ELMOD3: variants seen among roughly 807,000 people sequenced by gnomAD.
ELMOD3 encodes the protein ELMO domain-containing protein 3.
A neutral mutation model predicts 47.4 loss-of-function variants in ELMOD3; 36 were observed. That is an observed-to-expected ratio of 0.76 (90% CI 0.58 to 1.00). The LOEUF (loss-of-function observed/expected upper bound fraction) is 1.00. Ranked by LOEUF, ELMOD3 falls within the 50% of genes least tolerant of loss-of-function variation. The probability of loss-of-function intolerance (pLI) is 0.00; values close to 1 mark genes in which losing one functional copy is unlikely to be tolerated. For missense variants in ELMOD3, 404 were observed against 463.8 expected (o/e 0.87, Z 1.18); for synonymous variants, 149 against 183.5 (o/e 0.81, Z 1.52).
At chr2:85,375,126 T>C (rs116799592) in intron 10 of ELMOD3, among the ~76,000 whole-genome samples, 213 of 152,332 alleles carry the variant, frequency 1.4e-3, no homozygotes, top group Middle Eastern at 3.4e-3. Context: ...TTTCAGGAAT[T>C]TGACTGTGAT....
In ELMOD3 at chr2:85,357,266, C is replaced by T. The variant is rs540660622; in HGVS notation, c.54+14C>T. ...AGAGATGGACAGGTAAGCATGCACT[C>T]TTATTTGGGAAAGGTGGTGTTGGTT... is the stretch of plus-strand genomic sequence containing the variant. On this transcript the variant is annotated intron_variant, in intron 4 of 13. Coordinates refer to ENST00000409013, the MANE Select transcript of ELMOD3 (RefSeq NM_001135022.2). The T allele has an allele frequency of 8.0e-5, 125 of 1,561,680 alleles. 1 individual carries two copies. The South Asian group carries it at 1.2e-3, about 15-fold the overall frequency.
intron 6 of ELMOD3, chr2:85,367,763 C>T (rs1684493993): frequency 6.6e-6 from 1 of 152,040 alleles, no homozygotes; most frequent in Non-Finnish European, 1.5e-5. Flanking sequence ...AAAAGTCAAA[C>T]AATTGTTAAG....
chr2:85,371,794 G>A (rs2104592737), intron 10 of ELMOD3: 1 of 439,040 alleles, frequency 2.3e-6, no homozygotes, highest in South Asian at 2.3e-5. Context: ...AGCACTTTGG[G>A]AGGCTGAAGA....
At chr2:85,385,705 T>C (rs1324632469) in intron 11 of ELMOD3, among the ~76,000 whole-genome samples, 3 of 151,514 alleles carry the variant, frequency 2.0e-5, no homozygotes, top group Non-Finnish European at 4.4e-5. Context: ...GAAAGGACTC[T>C]AGGTTTTACG....
At position 85,377,619 on chromosome 2, in the gene ELMOD3, G is replaced by A. The variant is rs927820033; in HGVS notation, c.738+145G>A. On this transcript the variant is annotated intron_variant, in intron 11 of 13. Transcript: ENST00000409013. Reference sequence around the variant, plus strand: ...CCTGCATTGAAATATGAGCTGTACCGCTCATTAGCTGTGTAGCTCAAGCAA... The same window carrying A: ...CCTGCATTGAAATATGAGCTGTACCACTCATTAGCTGTGTAGCTCAAGCAA... 1.7e-5 allele frequency: 13 copies of A among 757,726 alleles called. 1 individual carries two copies. Among genetic ancestry groups the A allele is most frequent in the South Asian group, 5.6e-5 (2 of 35,776 alleles). The allele number at this position is 757,726 out of a possible 1,614,324, so 46.9% of individuals were successfully genotyped here.
chr2:85,391,200 A>C lies in ELMOD3; in HGVS notation c.*238A>C. Reference sequence around the variant, plus strand: ...TCCAGAGCAAGGAGAATTCTGCCTTAATCTGTTGGGCTCCAGTCTCCGGGT... The same window carrying C: ...TCCAGAGCAAGGAGAATTCTGCCTTCATCTGTTGGGCTCCAGTCTCCGGGT... On this transcript the variant is annotated 3_prime_UTR_variant, in exon 14 of 14. Coordinates refer to ENST00000409013, the MANE Select transcript of ELMOD3 (RefSeq NM_001135022.2). The C allele has an allele frequency of 1.9e-6, 1 of 515,830 alleles. No individual in the cohort carries two copies. Among genetic ancestry groups the C allele is most frequent in the South Asian group, 2.3e-5 (1 of 44,282 alleles). 32.0% of individuals were successfully genotyped at this position (515,830 alleles called of 1,614,324 possible).
At chr2:85,362,764 C>A (rs999766302) in intron 5 of ELMOD3, among the ~76,000 whole-genome samples, 7 of 151,996 alleles carry the variant, frequency 4.6e-5, no homozygotes, top group African/African-American at 1.7e-4. Flanking sequence ...ACTAAAAATA[C>A]AAAACTAGCT....
chr2:85,384,402 G>A (rs1418419065), intron 11 of ELMOD3, among the ~76,000 whole-genome samples: 1 of 152,130 alleles, frequency 6.6e-6, no homozygotes, highest in South Asian at 2.1e-4. Context: ...GCATCTCTTG[G>A]CCCTGAAAGA....
intron 11 of ELMOD3, among the ~76,000 whole-genome samples, chr2:85,380,302 T>C (rs1236684617): frequency 6.6e-6 from 1 of 152,166 alleles, no homozygotes; most frequent in African/African-American, 2.4e-5. Flanking sequence ...AAGAGAAGTT[T>C]GAAGACTCTG....
chr2:85,366,729 G>A (rs189475142), intron 6 of ELMOD3, among the ~76,000 whole-genome samples: 110 of 152,272 alleles, frequency 7.2e-4, no homozygotes, highest in African/African-American at 2.4e-3. Flanking sequence ...CTTCCCAGCC[G>A]CTTTCTCTTC....
At chr2:85,356,132 C>G (rs928628626) in intron 3 of ELMOD3, 1 of 152,274 alleles carries the variant, frequency 6.6e-6, no homozygotes, top group Non-Finnish European at 1.5e-5. Context: ...CCTTGTCCAG[C>G]CCTTTTCCTG....
chr2:85,379,772 A>T lies in ELMOD3; in HGVS notation c.738+2298A>T, dbSNP rs538833443. 5.4e-4 allele frequency among the ~76,000 whole-genome samples: 83 copies of T among 152,322 alleles called. 2 individuals carry two copies. In the South Asian group the frequency reaches 0.017, roughly 31 times the overall value. ...ATTTTTCACATAGGCTTTTTTTAAA[A>T]ATTGGCTTTGATGGAACTTTGTTAT... On this transcript the variant is annotated intron_variant, in intron 11 of 13. Coordinates refer to ENST00000409013, the MANE Select transcript of ELMOD3 (RefSeq NM_001135022.2).
chr2:85,390,942 G>T lies in ELMOD3; in HGVS notation c.1126G>T (p.Glu376Ter). 6.4e-7 allele frequency: 1 copy of T among 1,551,650 alleles called. No homozygotes were observed. Among genetic ancestry groups the T allele is most frequent in the South Asian group, 1.2e-5 (1 of 84,048 alleles). Reference protein sequence around the residue: ...GESDLQSHSSEGVWLI With the variant: ...GESDLQSHSS ...GAGTGACCTGCAGTCTCACTCATCCGAAGGCGTATGGCTGATCTGACCTCC... is the reference window on the plus strand; with the variant it reads ...GAGTGACCTGCAGTCTCACTCATCCTAAGGCGTATGGCTGATCTGACCTCC... Residue 376 changes from glutamate to a stop codon, truncating the protein, a stop_gained, in exon 14 of 14, where the codon GAA becomes TAA. Transcript: ENST00000409013. LOFTEE classifies it high-confidence loss of function.
intron 11 of ELMOD3, 43 bp from the exon 12 acceptor site, chr2:85,389,708 T>C: frequency 1.3e-6 from 2 of 1,566,690 alleles, no homozygotes; most frequent in Middle Eastern, 1.7e-4. Flanking sequence ...GGAAACACAG[T>C]GAGAGCTGGA....
rs1037001688 is a variant in ELMOD3, at chr2:85,390,898, A to T, written c.1082A>T (p.Asp361Val). The T allele has an allele frequency of 8.1e-5, 126 of 1,551,484 alleles. 1 individual carries two copies. The Admixed American group carries it at 2.3e-3, about 28-fold the overall frequency. The change falls in exon 14 of 14, where the codon GAT becomes GTT. Residue 361 changes from aspartate to valine, a missense_variant. By Grantham distance (152) the Asp-to-Val change is radical. Coordinates refer to ENST00000409013, the MANE Select transcript of ELMOD3 (RefSeq NM_001135022.2). Reference sequence around the variant, plus strand: ...GGGCCAGAAGCCCCTCCCTTCAAGGATCTCACCTTCACAGGTGAGAGTGAC... The same window carrying T: ...GGGCCAGAAGCCCCTCCCTTCAAGGTTCTCACCTTCACAGGTGAGAGTGAC... Reference protein sequence around the residue: ...CYGPEAPPFKDLTFTGESDLQ... With the variant: ...CYGPEAPPFKVLTFTGESDLQ...
chr2:85,371,769 C>T (rs1454753550), intron 10 of ELMOD3: 2 of 576,606 alleles, frequency 3.5e-6, no homozygotes, highest in Non-Finnish European at 2.9e-6. Context: ...CGTGGTGGCT[C>T]ACGCCTGTAA....
In ELMOD3 at chr2:85,389,971, C is replaced by T. The variant is rs1228718997; in HGVS notation, c.815+144C>T. ...TCCCCATGCACCGGTCTCCCCAGGA[C>T]ATCCCTTCTCCCACCCCTGGCCTTA... is the stretch of plus-strand genomic sequence containing the variant. On this transcript the variant is annotated intron_variant, in intron 12 of 13. Coordinates refer to ENST00000409013, the MANE Select transcript of ELMOD3 (RefSeq NM_001135022.2). The T allele has an allele frequency of 1.4e-5, 15 of 1,055,204 alleles. No homozygotes were observed. The East Asian group carries it at 3.3e-4, about 23-fold the overall frequency. The allele number at this position is 1,055,204 out of a possible 1,614,324, so 65.4% of individuals were successfully genotyped here. A position where few individuals can be genotyped will look rare whatever the true frequency, so the allele number is the denominator to read the frequency against.
At chr2:85,375,169 T>A (rs1175952567) in intron 10 of ELMOD3, among the ~76,000 whole-genome samples, 1 of 152,218 alleles carries the variant, frequency 6.6e-6, no homozygotes. Flanking sequence ...GGGCCTCTCC[T>A]GTTTGAGGTT....
intron 10 of ELMOD3, among the ~76,000 whole-genome samples, chr2:85,375,816 A>G (rs896959657): frequency 6.6e-6 from 1 of 152,228 alleles, no homozygotes; most frequent in Non-Finnish European, 1.5e-5. Flanking sequence ...AGGCTCTGGA[A>G]GAGAGTCCAT....
Sources: allele counts gnomAD v4.1 joint callset (sites outside exome capture counted in the v4.1 genomes callset), GRCh38; gene constraint gnomAD v4.1.1; transcripts MANE v1.5; gene names NCBI Gene and HGNC (gene_info 2026-07-23, HGNC 2026-07-21).